Variants in PTPRO observed in about 807,000 individuals in gnomAD.
The protein encoded by PTPRO is protein tyrosine phosphatase receptor type O.
A neutral mutation model predicts 145.2 loss-of-function variants in PTPRO; 62 were observed. The ratio of observed to expected loss-of-function variants is 0.43; its 90% CI spans 0.35 to 0.53. The LOEUF (loss-of-function observed/expected upper bound fraction) is 0.53, where lower values mean the gene tolerates loss of function less well. Among genes scored for constraint, PTPRO ranks in the 20% least tolerant of loss-of-function variants. PTPRO has a pLI of 0.01. For synonymous variants in PTPRO, 565 were observed against 514.7 expected, an observed-to-expected ratio of 1.10 and a Z score of -1.32; for missense variants, 1,345 against 1,482.7, an observed-to-expected ratio of 0.91 and a Z score of 1.53.
chr12:15,366,311 A>G (rs924969574), intron 1 of PTPRO, among the ~76,000 whole-genome samples: 3 of 152,120 alleles, frequency 2.0e-5, no homozygotes, highest in Non-Finnish European at 4.4e-5. Flanking sequence ...TTACAATGAC[A>G]TTTAATACTT....
At chr12:15,346,739 A>G (rs1446203009) in intron 1 of PTPRO, 1 of 152,246 alleles carries the variant, frequency 6.6e-6, no homozygotes, top group Non-Finnish European at 1.5e-5. Flanking sequence ...CAGCTAACTC[A>G]GTTAGTTAAA....
At chr12:15,348,117 C>T (rs1937652817) in intron 1 of PTPRO, 1 of 152,146 alleles carries the variant, frequency 6.6e-6, no homozygotes, top group Non-Finnish European at 1.5e-5. Context: ...ACAAAAGAGA[C>T]TTTGCTGATC....
At chr12:15,529,856 G>A (rs966602421) in intron 12 of PTPRO, among the ~76,000 whole-genome samples, 2 of 152,190 alleles carry the variant, frequency 1.3e-5, no homozygotes, top group African/African-American at 4.8e-5. Flanking sequence ...AACGGCAGTA[G>A]TAAATCCGTA....
Position 15,322,598 on chromosome 12 carries a change from C to A in PTPRO, c.-129C>A. ...AGCAGGCGCAGGGGGACTGGAAAGG[C>A]AGCATGCGCTCGCCAGGAGCAACCT... is the stretch of plus-strand genomic sequence containing the variant. On this transcript the variant is annotated 5_prime_UTR_variant, in exon 1 of 27. Coordinates refer to ENST00000281171, the MANE Select transcript of PTPRO (RefSeq NM_030667.3). The surrounding 1 kb of genome is among the most constrained non-coding windows in gnomAD (Gnocchi z 6.3). The A allele has an allele frequency of 1.3e-6, 1 of 767,998 alleles. No homozygotes were observed. The highest frequency in any genetic ancestry group is 2.3e-6 in the Non-Finnish European group (1 of 438,050). 47.6% of individuals were successfully genotyped at this position (767,998 alleles called of 1,614,324 possible).
chr12:15,594,684 A>G (rs1331073240), intron 25 of PTPRO, among the ~76,000 whole-genome samples: 1 of 152,088 alleles, frequency 6.6e-6, no homozygotes, highest in Non-Finnish European at 1.5e-5. Flanking sequence ...AATTTTTATT[A>G]TACTGCAATA....
At chr12:15,463,282 T>A (rs954938185) in intron 1 of PTPRO, among the ~76,000 whole-genome samples, 4 of 152,118 alleles carry the variant, frequency 2.6e-5, no homozygotes, top group African/African-American at 9.7e-5. Flanking sequence ...TAAACTCCAA[T>A]CTCCCATCCA....
At chr12:15,504,843 T>A (rs565603360) in intron 6 of PTPRO, among the ~76,000 whole-genome samples, 2 of 152,208 alleles carry the variant, frequency 1.3e-5, no homozygotes, top group Non-Finnish European at 2.9e-5. Context: ...AATACCACCT[T>A]TCGTTGAAGG....
intron 1 of PTPRO, among the ~76,000 whole-genome samples, chr12:15,361,804 A>G (rs1938218885): frequency 6.6e-6 from 1 of 152,236 alleles, no homozygotes; most frequent in South Asian, 2.1e-4. Context: ...AGCCTCTAAT[A>G]TGCAACATTA....
chr12:15,347,007 C>A (rs757880755), intron 1 of PTPRO, among the ~76,000 whole-genome samples: 8 of 152,126 alleles, frequency 5.3e-5, no homozygotes, highest in Non-Finnish European at 8.8e-5. Context: ...TTTGCATATA[C>A]CATTCTCTCT....
intron 1 of PTPRO, among the ~76,000 whole-genome samples, chr12:15,395,373 T>TC (rs1939307293): frequency 6.6e-6 from 1 of 152,128 alleles, no homozygotes; most frequent in African/African-American, 2.4e-5. Flanking sequence ...TTGTGGTTGT[T>TC]CCTGCTGCTG....
intron 1 of PTPRO, among the ~76,000 whole-genome samples, chr12:15,375,566 G>A (rs1216214839): frequency 6.6e-6 from 1 of 151,924 alleles, no homozygotes; most frequent in Non-Finnish European, 1.5e-5. Context: ...GACCAGCCTG[G>A]CCAAGATGGT....
At chr12:15,505,845 T>C (rs1357293309) in intron 6 of PTPRO, among the ~76,000 whole-genome samples, 1 of 152,258 alleles carries the variant, frequency 6.6e-6, no homozygotes, top group East Asian at 1.9e-4. Flanking sequence ...TATATGTTTA[T>C]GTCGTTGCAT....
At chr12:15,407,579 T>C (rs193018385) in intron 1 of PTPRO, among the ~76,000 whole-genome samples, 80 of 151,216 alleles carry the variant, frequency 5.3e-4, no homozygotes, top group African/African-American at 1.9e-3. Context: ...ATAAAAGCTA[T>C]GTGTGTATTG....
chr12:15,559,956 A>G (rs1372302975), intron 16 of PTPRO, among the ~76,000 whole-genome samples: 1 of 152,192 alleles, frequency 6.6e-6, no homozygotes, highest in Admixed American at 6.5e-5. Flanking sequence ...GTAAGTTGAA[A>G]GAAATATATC....
chr12:15,476,089 G>A (rs1479626846), intron 1 of PTPRO, among the ~76,000 whole-genome samples: 1 of 152,200 alleles, frequency 6.6e-6, no homozygotes, highest in African/African-American at 2.4e-5. Flanking sequence ...AAAATGAGAA[G>A]TTTAAGAAGT....
Position 15,549,249 on chromosome 12 carries a change from A to T in PTPRO, c.2437+23A>T, listed in dbSNP as rs750799473. On this transcript the variant is annotated intron_variant, in intron 14 of 26. Coordinates refer to ENST00000281171, the MANE Select transcript of PTPRO (RefSeq NM_030667.3). ...TGGGTAATTATACACATTAGTGTATAATTTTCTCACTTTTTTTGAATATAT... is the reference window on the plus strand; with the variant it reads ...TGGGTAATTATACACATTAGTGTATTATTTTCTCACTTTTTTTGAATATAT... The T allele has an allele frequency of 9.1e-6, 14 of 1,546,278 alleles. No homozygotes were observed. In the African/African-American group the frequency reaches 1.6e-4, roughly 18 times the overall value.
chr12:15,542,170 A>G (rs1394947512), intron 12 of PTPRO, among the ~76,000 whole-genome samples: 2 of 152,188 alleles, frequency 1.3e-5, no homozygotes, highest in Non-Finnish European at 2.9e-5. Flanking sequence ...CCTAATTAAT[A>G]TTTAGCCACT....
At chr12:15,350,809 C>G (rs1392943960) in intron 1 of PTPRO, among the ~76,000 whole-genome samples, 1 of 152,196 alleles carries the variant, frequency 6.6e-6, no homozygotes, top group Admixed American at 6.5e-5. Flanking sequence ...CACATATACA[C>G]ACAACTCCCA....
chr12:15,325,514 T>C (rs1443846453), intron 1 of PTPRO, among the ~76,000 whole-genome samples: 1 of 152,168 alleles, frequency 6.6e-6, no homozygotes, highest in African/African-American at 2.4e-5. Flanking sequence ...GTTATGAAAA[T>C]TTTTATTTTT....
Sources: allele counts gnomAD v4.1 joint callset (sites outside exome capture counted in the v4.1 genomes callset), GRCh38; gene constraint gnomAD v4.1.1; non-coding constraint Gnocchi (gnomAD v3.1); transcripts MANE v1.5; gene names NCBI Gene and HGNC (gene_info 2026-07-23, HGNC 2026-07-21).